GRHL1: variants seen among roughly 807,000 people sequenced by gnomAD.
GRHL1 encodes the protein grainyhead like transcription factor 1, also known as grainyhead-like protein 1 homolog.
GRHL1 carries 38 observed loss-of-function variants against 75.7 expected under a neutral mutation model. The ratio of observed to expected loss-of-function variants is 0.50; its 90% confidence interval spans 0.39 to 0.66. The LOEUF (loss-of-function observed/expected upper bound fraction) is 0.66. Among genes scored for constraint, GRHL1 ranks in the 30% least tolerant of loss-of-function variants. The pLI, the probability that GRHL1 is intolerant of heterozygous loss-of-function variation, is 0.00. For missense variants in GRHL1, 589 were observed against 767.5 expected, an observed-to-expected ratio of 0.77 and a Z score of 2.75; for synonymous variants, 266 against 279.4, an observed-to-expected ratio of 0.95 and a Z score of 0.48.
chr2:9,984,652 T>TG (rs1166621761), intron 8 of GRHL1, among the ~76,000 whole-genome samples: 1 of 152,146 alleles, frequency 6.6e-6, no homozygotes, highest in Non-Finnish European at 1.5e-5. Context: ...ATTTCGAAGG[T>TG]GGGGGATCCC....
chr2:9,962,663 C>T (rs943121946), intron 5 of GRHL1, 132 bp downstream of exon 5: 8 of 640,948 alleles, frequency 1.2e-5, no homozygotes, highest in Non-Finnish European at 2.3e-5. Context: ...GTGGTACAGT[C>T]TTGGGTAGAG....
chr2:9,993,210 C>T lies in GRHL1; in HGVS notation c.1465C>T (p.Leu489Phe), dbSNP rs764262765. ...CAATCTATTCCTTTGGTCTTAGGTC[C>T]TTCCCATTGCCTCTGAAGAATTGGA... The part of the protein sequence containing the change: ...FANLQRGTHV[L>F]PIASEELEGE... The change falls in exon 12 of 16, where the codon CTT (leucine) becomes TTT (phenylalanine). Residue 489 changes from leucine (L) to phenylalanine (F), a missense_variant. Transcript: ENST00000324907. 1 of 1,608,782 alleles carries T rather than the reference C, an allele frequency of 6.2e-7. No individual in the cohort carries two copies. The highest frequency in any genetic ancestry group is 1.7e-5 in the Admixed American group (1 of 60,020).
Position 9,951,890 on chromosome 2 carries a change from G to A in GRHL1, c.20+37G>A, listed in dbSNP as rs187290376. The stretch of plus-strand genomic sequence containing the variant: ...GCAGGAGTCCGGCCGCCGCGGGGGG[G>A]CCGCGCTGAGGGGCCGCACCTGCAG... On this transcript the variant is annotated intron_variant, in intron 1 of 15. Coordinates refer to ENST00000324907, the MANE Select transcript of GRHL1 (RefSeq NM_198182.3). This position sits in a 1 kb window ranked among gnomAD's most constrained non-coding sequence, Gnocchi z 4.2. The A allele has an allele frequency of 0.069, 96,725 of 1,400,842 alleles. 3,699 individuals are homozygous for A. The highest frequency in any genetic ancestry group is 0.098 in the Middle Eastern group (370 of 3,774). The allele number at this position is 1,400,842 out of a possible 1,614,324, so 86.8% of individuals were successfully genotyped here.
At chr2:9,980,419 C>CAAA (rs533688396) in intron 8 of GRHL1, among the ~76,000 whole-genome samples, 1 of 126,684 alleles carries the variant, frequency 7.9e-6, no homozygotes, top group African/African-American at 2.8e-5. Context: ...GTTTGAAAAC[C>CAAA]AAAAAAAAAA....
chr2:9,969,209 A>T (rs531010264), intron 8 of GRHL1, among the ~76,000 whole-genome samples: 1 of 152,350 alleles, frequency 6.6e-6, no homozygotes, highest in Admixed American at 6.5e-5. Context: ...GATCTAAAAT[A>T]AACAGAGGAA....
At chr2:9,999,991 C>A (rs2125254653) in intron 15 of GRHL1, among the ~76,000 whole-genome samples, 1 of 152,240 alleles carries the variant, frequency 6.6e-6, no homozygotes, top group Middle Eastern at 3.4e-3. Flanking sequence ...TGTGCTTTTG[C>A]TTTATTCATT....
intron 8 of GRHL1, among the ~76,000 whole-genome samples, chr2:9,969,903 C>T (rs1056402914): frequency 2.1e-5 from 3 of 140,004 alleles, no homozygotes; most frequent in Non-Finnish European, 3.0e-5. Flanking sequence ...ACTGCAGTGG[C>T]GCTATCTTGA....
chr2:9,952,205 C>T (rs540549906), intron 1 of GRHL1, among the ~76,000 whole-genome samples: 1 of 152,102 alleles, frequency 6.6e-6, no homozygotes, highest in South Asian at 2.1e-4. Flanking sequence ...GCAGCCAACG[C>T]CCCCGGGCCT....
chr2:9,981,272 G>A (rs1387876370), intron 8 of GRHL1, among the ~76,000 whole-genome samples: 4 of 152,234 alleles, frequency 2.6e-5, no homozygotes, highest in African/African-American at 9.6e-5. Context: ...AGTGTGGGCT[G>A]GGCTGATAGG....
In GRHL1 at chr2:9,958,297, C is replaced by G. The variant is rs561152868; in HGVS notation, c.208-489C>G. On this transcript the variant is annotated intron_variant, in intron 2 of 15. Coordinates refer to ENST00000324907, the MANE Select transcript of GRHL1 (RefSeq NM_198182.3). ...GCTGAAGCGATCTTCTCACCGCAGTCTCTCTTGTGTAGCTGAGACTACAGG... is the reference window on the plus strand; with the variant it reads ...GCTGAAGCGATCTTCTCACCGCAGTGTCTCTTGTGTAGCTGAGACTACAGG... Among the ~76,000 whole-genome samples the G allele has an allele frequency of 5.3e-5, 8 of 151,628 alleles. No homozygotes were observed. The South Asian group carries it at 1.7e-3, about 32-fold the overall frequency.
chr2:9,955,330 T>G (rs538242320), intron 2 of GRHL1, among the ~76,000 whole-genome samples: 2 of 152,342 alleles, frequency 1.3e-5, no homozygotes, highest in East Asian at 3.9e-4. Flanking sequence ...TGTGGCTCTA[T>G]CCAGAAGGTG....
At chr2:9,964,147 C>A in intron 6 of GRHL1, 88 bp from the exon 7 acceptor site, 1 of 1,334,048 alleles carries the variant, frequency 7.5e-7, no homozygotes, top group Non-Finnish European at 1.1e-6. Context: ...AGCTTTAAGC[C>A]TTCACTGTAA....
intron 14 of GRHL1, among the ~76,000 whole-genome samples, chr2:9,998,707 C>CAT (rs1669074753): frequency 1.7e-5 from 1 of 58,380 alleles, no homozygotes; most frequent in African/African-American, 9.7e-5. Context: ...CATATATATA[C>CAT]ATATATATGT....
chr2:9,993,375 C>CAA, intron 12 of GRHL1, 131 bp downstream of exon 12: 1 of 710,168 alleles, frequency 1.4e-6, no homozygotes, highest in Non-Finnish European at 2.5e-6. Context: ...AGCCTGATGG[C>CAA]CCATCACTCC....
At chr2:9,999,096 C>A in intron 15 of GRHL1, 67 bp downstream of exon 15, 1 of 712,062 alleles carries the variant, frequency 1.4e-6, no homozygotes, top group South Asian at 1.8e-5. Flanking sequence ...TAGTGTGACG[C>A]ACCCCCCAGT....
At chr2:9,979,698 G>A (rs895454024) in intron 8 of GRHL1, among the ~76,000 whole-genome samples, 2 of 152,120 alleles carry the variant, frequency 1.3e-5, no homozygotes, top group Non-Finnish European at 2.9e-5. Flanking sequence ...TTTCTTATAG[G>A]TGAATGATAA....
chr2:9,976,662 G>A (rs1025958741), intron 8 of GRHL1, among the ~76,000 whole-genome samples: 1 of 152,148 alleles, frequency 6.6e-6, no homozygotes, highest in Non-Finnish European at 1.5e-5. Context: ...CAGGGTGTGC[G>A]CTTAGGTTTG....
intron 15 of GRHL1, among the ~76,000 whole-genome samples, chr2:9,999,653 AG>A (rs746885986): frequency 4.0e-4 from 61 of 152,128 alleles, no homozygotes; most frequent in Non-Finnish European, 8.5e-4. Flanking sequence ...CCTATTTCCA[AG>A]TTATGTCACG....
intron 8 of GRHL1, among the ~76,000 whole-genome samples, chr2:9,984,856 G>A (rs988996998): frequency 6.6e-6 from 1 of 151,536 alleles, no homozygotes; most frequent in Non-Finnish European, 1.5e-5. Context: ...GAGCTCAGGA[G>A]TTGGAGACCA....
Sources: allele counts gnomAD v4.1 joint callset (sites outside exome capture counted in the v4.1 genomes callset), GRCh38; gene constraint gnomAD v4.1.1; non-coding constraint Gnocchi (gnomAD v3.1); transcripts MANE v1.5; gene names NCBI Gene and HGNC (gene_info 2026-07-23, HGNC 2026-07-21).